The following DOCK9 variants were observed in gnomAD, a reference collection of about 807,000 sequenced individuals.
DOCK9 encodes dedicator of cytokinesis 9, also known as dedicator of cytokinesis protein 9.
In DOCK9, 89 loss-of-function variants were observed where a neutral mutation model predicts 263.3. The observed-to-expected ratio is 0.34, with a 90% CI of 0.28 to 0.40. The LOEUF (loss-of-function observed/expected upper bound fraction) is 0.40, where lower values mean the gene tolerates loss of function less well. DOCK9 is among the 10% of genes least tolerant of loss of function. The pLI is 1.00. For missense variants in DOCK9, 2,140 were observed against 2,603.4 expected (o/e 0.82, Z 3.87); for synonymous variants, 976 against 973.1 (o/e 1.00, Z -0.06).
intron 2 of DOCK9, among the ~76,000 whole-genome samples, chr13:98,938,276 T>G (rs2055236002): frequency 6.6e-6 from 1 of 152,198 alleles, no homozygotes; most frequent in Admixed American, 6.5e-5. Flanking sequence ...GGAAAGAGAT[T>G]TGAGTTGAGA....
chr13:98,867,906 C>G, intron 29 of DOCK9, 22 bp downstream of exon 29: 3 of 1,605,188 alleles, frequency 1.9e-6, no homozygotes, highest in Non-Finnish European at 2.6e-6. Context: ...ACTTCTGTTA[C>G]CAGTAACAAC....
In DOCK9 at chr13:98,850,074, T is replaced by G; in HGVS notation, c.3986A>C (p.Glu1329Ala). Residue 1329 changes from glutamate to alanine, a missense_variant, in exon 36 of 53, where the codon GAA becomes GCA. By Grantham distance (107) the Glu-to-Ala change is moderately radical. Coordinates refer to ENST00000682017, the MANE Select transcript of DOCK9 (RefSeq NM_001366683.2). ...FTYWNKASTS[E>A]LMDFFTISEV... is the part of the protein sequence containing the mutation. Reference sequence around the variant, plus strand: ...AGATATTGTAAAAAAATCCATAAGTTCAGATGTTGAAGCCTTGTTCCAATA... The same window carrying G: ...AGATATTGTAAAAAAATCCATAAGTGCAGATGTTGAAGCCTTGTTCCAATA... 1 of 1,562,866 alleles carries G rather than the reference T, an allele frequency of 6.4e-7. No homozygotes were observed. The highest frequency in any genetic ancestry group is 8.6e-7 in the Non-Finnish European group (1 of 1,157,826).
At chr13:98,959,534 C>T (rs925368646) in intron 1 of DOCK9, 1 of 152,246 alleles carries the variant, frequency 6.6e-6, no homozygotes, top group Non-Finnish European at 1.5e-5. Context: ...TCACCTGCTG[C>T]CTAAGTTAAG....
At position 98,831,345 on chromosome 13, in the gene DOCK9, C is replaced by T; in HGVS notation, c.4635+3G>A. On this transcript the variant is annotated splice_donor_region_variant and intron_variant, in intron 41 of 52. Transcript: ENST00000682017. ...CTGTATTGGAAAGCTAAACCACACG[C>T]ACTTGCAAATGTGTCCGGACAAAGG... is the stretch of plus-strand genomic sequence containing the variant. 6.2e-7 allele frequency: 1 copy of T among 1,600,200 alleles called. No individual in the cohort carries two copies. Among genetic ancestry groups the T allele is most frequent in the Non-Finnish European group, 8.5e-7 (1 of 1,172,632 alleles).
intron 1 of DOCK9, among the ~76,000 whole-genome samples, chr13:98,972,925 G>A (rs1170707241): frequency 6.6e-6 from 1 of 152,184 alleles, no homozygotes; most frequent in Non-Finnish European, 1.5e-5. Flanking sequence ...CAATAAGATT[G>A]GCAAGTCTCC....
At chr13:98,890,194 G>A (rs917765803) in intron 15 of DOCK9, among the ~76,000 whole-genome samples, 4 of 152,110 alleles carry the variant, frequency 2.6e-5, no homozygotes, top group Non-Finnish European at 4.4e-5. Flanking sequence ...TAATCAGCAT[G>A]TTATAGTCTC....
chr13:98,888,116 A>C (rs1480172053), intron 18 of DOCK9, 42 bp downstream of exon 18: 1 of 1,419,342 alleles, frequency 7.0e-7, no homozygotes, highest in Non-Finnish European at 9.6e-7. Flanking sequence ...AAAATGGAAA[A>C]ATCAGAATTC....
intron 9 of DOCK9, among the ~76,000 whole-genome samples, chr13:98,913,322 G>C (rs1824012836): frequency 6.6e-6 from 1 of 152,050 alleles, no homozygotes; most frequent in African/African-American, 2.4e-5. Flanking sequence ...GAGTGCAAAG[G>C]GCTAGAGAAG....
In DOCK9 at chr13:98,829,769, CA is replaced by C. The variant is rs775077028; in HGVS notation, c.4636-14del. 1.1e-5 allele frequency: 17 copies of C among 1,581,428 alleles called. No individual in the cohort carries two copies. The highest frequency in any genetic ancestry group is 1.5e-5 in the Non-Finnish European group (17 of 1,160,708). ...CAGATATGATGACCTTAGGGACACA[CA>C]AACATGAGCAAATCAATTTACCTTC... is the stretch of plus-strand genomic sequence containing the variant. On this transcript the variant is annotated splice_polypyrimidine_tract_variant and intron_variant, in intron 41 of 52. Transcript: ENST00000682017. The surrounding 1 kb of genome is among the most constrained non-coding windows in gnomAD (Gnocchi z 4.1).
At chr13:98,937,901 G>A (rs1261919355) in intron 2 of DOCK9, among the ~76,000 whole-genome samples, 4 of 152,164 alleles carry the variant, frequency 2.6e-5, no homozygotes, top group African/African-American at 7.2e-5. Flanking sequence ...CTGGGGTTAC[G>A]GTGATGTTTC....
At chr13:98,897,210 G>C (rs1025969635) in intron 15 of DOCK9, among the ~76,000 whole-genome samples, 2 of 152,108 alleles carry the variant, frequency 1.3e-5, no homozygotes, top group Non-Finnish European at 2.9e-5. Context: ...CTCTTGACAA[G>C]GTTCCTCAAC....
At chr13:98,972,694 A>G (rs1417583762) in intron 1 of DOCK9, among the ~76,000 whole-genome samples, 1 of 152,186 alleles carries the variant, frequency 6.6e-6, no homozygotes, top group Non-Finnish European at 1.5e-5. Flanking sequence ...GGCTATGCCT[A>G]TGTTAGCTGC....
chr13:98,903,186 G>A, intron 10 of DOCK9, 74 bp from the exon 11 acceptor site: 11 of 1,190,156 alleles, frequency 9.2e-6, no homozygotes, highest in Non-Finnish European at 1.2e-5. Flanking sequence ...GCATCCAAAG[G>A]AAACGGAATA....
intron 2 of DOCK9, among the ~76,000 whole-genome samples, chr13:98,939,495 T>C (rs1204316702): frequency 2.0e-5 from 3 of 152,190 alleles, no homozygotes; most frequent in South Asian, 2.1e-4. Flanking sequence ...TACTTAGAAC[T>C]ATCTCTTCAA....
chr13:98,981,519 A>G (rs1486802668), upstream of DOCK9, among the ~76,000 whole-genome samples: 1 of 152,226 alleles, frequency 6.6e-6, no homozygotes, highest in Non-Finnish European at 1.5e-5. Flanking sequence ...ACTGAAATCC[A>G]AGATTGAGAA....
chr13:98,882,124 G>T, intron 23 of DOCK9, 117 bp from the exon 24 acceptor site: 4 of 829,880 alleles, frequency 4.8e-6, no homozygotes, highest in Non-Finnish European at 7.9e-6. Flanking sequence ...AGGGAAGGCT[G>T]TGGTGGGCAG....
chr13:98,816,932 A>G (rs1395713405), intron 45 of DOCK9, among the ~76,000 whole-genome samples: 1 of 152,102 alleles, frequency 6.6e-6, no homozygotes, highest in African/African-American at 2.4e-5. Context: ...GAACTGGCAC[A>G]CTCGGAGCTT....
chr13:99,062,981 T>C (rs1324457794), intron 1 of DOCK9, among the ~76,000 whole-genome samples: 1 of 152,174 alleles, frequency 6.6e-6, no homozygotes. Flanking sequence ...CATGACACCA[T>C]CTTTTGAAGA....
chr13:98,885,110 C>G lies in DOCK9; in HGVS notation c.2261-18G>C. ...GTAGCCAACTGTTGAAAACAAAGAA[C>G]AACAACAACAACAGAACACTGTGAG... On this transcript the variant is annotated intron_variant, in intron 20 of 52. Coordinates refer to ENST00000682017, the MANE Select transcript of DOCK9 (RefSeq NM_001366683.2). 2 of 1,602,856 alleles carry G rather than the reference C, an allele frequency of 1.2e-6. No homozygotes were observed. Among genetic ancestry groups the G allele is most frequent in the East Asian group, 2.2e-5 (1 of 44,590 alleles).
Sources: allele counts gnomAD v4.1 joint callset (sites outside exome capture counted in the v4.1 genomes callset), GRCh38; gene constraint gnomAD v4.1.1; non-coding constraint Gnocchi (gnomAD v3.1); transcripts MANE v1.5; gene names NCBI Gene and HGNC (gene_info 2026-07-23, HGNC 2026-07-21).